CWC27: variants seen among roughly 807,000 people sequenced by gnomAD.
CWC27 encodes CWC27 spliceosome associated cyclophilin.
CWC27 carries 47 observed loss-of-function variants against 63.6 expected under a neutral mutation model. That is an observed-to-expected ratio of 0.74 (90% CI 0.58 to 0.94). The LOEUF (loss-of-function observed/expected upper bound fraction) is 0.94. Among genes scored for constraint, CWC27 ranks in the 40% least tolerant of loss-of-function variants. The probability of loss-of-function intolerance (pLI) is 0.00; values close to 1 mark genes in which losing one functional copy is unlikely to be tolerated. For missense variants in CWC27, 495 were observed against 554.3 expected (o/e 0.89, Z 1.07); for synonymous variants, 175 against 179.8 (o/e 0.97, Z 0.22).
intron 10 of CWC27, among the ~76,000 whole-genome samples, chr5:64,878,301 A>G (rs771534600): frequency 6.6e-6 from 1 of 151,620 alleles, no homozygotes; most frequent in Non-Finnish European, 1.5e-5. Context: ...ATTAGAGTAG[A>G]TATCTTTAGC....
intron 11 of CWC27, among the ~76,000 whole-genome samples, chr5:64,952,224 A>G (rs1748722903): frequency 6.6e-6 from 1 of 152,038 alleles, no homozygotes; most frequent in African/African-American, 2.4e-5. Context: ...TAATGACAAG[A>G]AAAAAGTCTG....
intron 13 of CWC27, among the ~76,000 whole-genome samples, chr5:65,015,693 G>A (rs1750037515): frequency 6.6e-6 from 1 of 152,146 alleles, no homozygotes; most frequent in Admixed American, 6.5e-5. Flanking sequence ...GAAGAAAAAG[G>A]CTACCTCTCA....
At chr5:64,908,335 G>A (rs7733678) in intron 11 of CWC27, among the ~76,000 whole-genome samples, 302 of 152,352 alleles carry the variant, frequency 2.0e-3, no homozygotes, top group African/African-American at 6.8e-3. Context: ...TAAGTGCAAC[G>A]TAATGTTGAG....
At chr5:64,790,896 A>T (rs1416161799) in intron 7 of CWC27, among the ~76,000 whole-genome samples, 1 of 152,210 alleles carries the variant, frequency 6.6e-6, no homozygotes. Flanking sequence ...TAAATAACTC[A>T]TCCATGATCA....
At chr5:64,931,267 A>G (rs184058088) in intron 11 of CWC27, among the ~76,000 whole-genome samples, 1 of 152,056 alleles carries the variant, frequency 6.6e-6, no homozygotes, top group Non-Finnish European at 1.5e-5. Context: ...GTCTCAAATG[A>G]TTGAGAAAAA....
At chr5:64,802,955 A>G (rs1744537263) in intron 9 of CWC27, among the ~76,000 whole-genome samples, 1 of 152,168 alleles carries the variant, frequency 6.6e-6, no homozygotes, top group East Asian at 1.9e-4. Flanking sequence ...CCAAAATTAT[A>G]TGAATTTGCA....
intron 12 of CWC27, among the ~76,000 whole-genome samples, chr5:64,974,452 G>A (rs1028427120): frequency 1.2e-4 from 18 of 152,136 alleles, no homozygotes; most frequent in Non-Finnish European, 2.5e-4. Flanking sequence ...AGAAAAAGTG[G>A]AAACCCCTGA....
At chr5:64,873,000 T>G (rs1210843175) in intron 10 of CWC27, among the ~76,000 whole-genome samples, 1 of 152,182 alleles carries the variant, frequency 6.6e-6, no homozygotes, top group Admixed American at 6.5e-5. Context: ...ATGTGGTTCA[T>G]TAATATTTTT....
intron 11 of CWC27, among the ~76,000 whole-genome samples, chr5:64,885,988 T>G (rs1208674184): frequency 1.3e-5 from 2 of 152,144 alleles, no homozygotes; most frequent in Admixed American, 6.5e-5. Flanking sequence ...AAAAAGTGTT[T>G]GAGCCCTGTG....
chr5:64,784,083 T>A, intron 4 of CWC27, 104 bp downstream of exon 4: 1 of 995,156 alleles, frequency 1.0e-6, no homozygotes, highest in Non-Finnish European at 1.4e-6. Context: ...GCTACCTTTG[T>A]AAAAACATTC....
chr5:64,917,643 G>T (rs1470196214), intron 11 of CWC27, among the ~76,000 whole-genome samples: 1 of 152,136 alleles, frequency 6.6e-6, no homozygotes, highest in Non-Finnish European at 1.5e-5. Flanking sequence ...GGCCTGAATA[G>T]AACAAAAAGG....
intron 10 of CWC27, among the ~76,000 whole-genome samples, chr5:64,869,805 G>A (rs924438833): frequency 3.3e-5 from 5 of 151,976 alleles, no homozygotes; most frequent in Non-Finnish European, 7.4e-5. Context: ...ACCATATTAT[G>A]TGTTTTATGT....
chr5:64,989,897 TG>T (rs1470210581), intron 13 of CWC27, among the ~76,000 whole-genome samples: 1 of 151,938 alleles, frequency 6.6e-6, no homozygotes, highest in African/African-American at 2.4e-5. Context: ...AGCTGACAGA[TG>T]GTGCATAATA....
chr5:64,802,657 GGGA>G (rs1744527979), intron 9 of CWC27, among the ~76,000 whole-genome samples: 1 of 152,136 alleles, frequency 6.6e-6, no homozygotes, highest in Admixed American at 6.6e-5. Context: ...TATGAGGTGA[GGGA>G]GGAGTAGTCC....
rs573030241 is a variant in CWC27, at chr5:64,776,265, A to G, written c.139+1478A>G. Among the ~76,000 whole-genome samples, 8 of 152,234 alleles carry G rather than the reference A, an allele frequency of 5.3e-5. No homozygotes were observed. In the South Asian group the frequency reaches 1.7e-3, roughly 32 times the overall value. ...AACACAGGAGACATGAAAAAGTCAG[A>G]CTTGTTTCTGGTAAGAAGTTTTGAA... On this transcript the variant is annotated intron_variant, in intron 2 of 13. Transcript: ENST00000381070.
chr5:64,943,672 T>A (rs1214568118), intron 11 of CWC27, among the ~76,000 whole-genome samples: 1 of 152,200 alleles, frequency 6.6e-6, no homozygotes, highest in Non-Finnish European at 1.5e-5. Flanking sequence ...ACATTCTACC[T>A]ATATTGCAAA....
intron 10 of CWC27, among the ~76,000 whole-genome samples, chr5:64,820,658 T>G (rs2112245392): frequency 6.6e-6 from 1 of 152,052 alleles, no homozygotes; most frequent in East Asian, 1.9e-4. Context: ...TTGACAAAGG[T>G]ACAAAGATAA....
At chr5:64,818,049 G>T (rs975393014) in intron 10 of CWC27, among the ~76,000 whole-genome samples, 1 of 152,096 alleles carries the variant, frequency 6.6e-6, no homozygotes, top group African/African-American at 2.4e-5. Context: ...CATTTATGGT[G>T]TTGATTTACC....
chr5:65,006,387 T>C (rs1749840826), intron 13 of CWC27, among the ~76,000 whole-genome samples: 1 of 152,150 alleles, frequency 6.6e-6, no homozygotes, highest in Non-Finnish European at 1.5e-5. Flanking sequence ...ACAAAATAAG[T>C]ACACAAAAAG....
Sources: gnomAD v4.1 joint callset for allele counts (sites outside exome capture counted in the v4.1 genomes callset) on GRCh38, gnomAD v4.1.1 for gene constraint, MANE v1.5 for transcripts, NCBI Gene and HGNC (gene_info 2026-07-23, HGNC 2026-07-21) for gene names.